Variants in SLC26A8 observed in about 807,000 individuals in gnomAD.
The protein encoded by SLC26A8 is solute carrier family 26 member 8.
In SLC26A8, 70 loss-of-function variants were observed where a neutral mutation model predicts 105.0. The observed-to-expected ratio is 0.67, with a 90% CI of 0.55 to 0.81. The LOEUF (loss-of-function observed/expected upper bound fraction) is 0.81, where lower values mean the gene tolerates loss of function less well. SLC26A8 is among the 40% of genes least tolerant of loss of function. The pLI is 0.00. For synonymous variants in SLC26A8, 415 were observed against 438.3 expected, an observed-to-expected ratio of 0.95 and a Z score of 0.66; for missense variants, 998 against 1,181.8, an observed-to-expected ratio of 0.84 and a Z score of 2.28.
At chr6:35,949,832 G>A (rs541738650) in intron 19 of SLC26A8, among the ~76,000 whole-genome samples, 2 of 150,864 alleles carry the variant, frequency 1.3e-5, no homozygotes, top group Admixed American at 1.3e-4. Context: ...TTTTTTTAGA[G>A]TCTCACTCCG....
chr6:36,023,150 C>T lies in SLC26A8; in HGVS notation c.-3+1354G>A, dbSNP rs117350810. Reference sequence around the variant, plus strand: ...ACTTTTGGCCTAGCTCTTTCACCCTCCATAGTACCCTTATCCATCCATCCA... The same window carrying T: ...ACTTTTGGCCTAGCTCTTTCACCCTTCATAGTACCCTTATCCATCCATCCA... On this transcript the variant is annotated intron_variant, in intron 1 of 19. Coordinates refer to ENST00000490799, the MANE Select transcript of SLC26A8 (RefSeq NM_052961.4). Among the ~76,000 whole-genome samples, 224 of 147,148 alleles carry T rather than the reference C, an allele frequency of 1.5e-3. 6 individuals carry two copies. In the East Asian group the frequency reaches 0.04, roughly 26 times the overall value.
intron 5 of SLC26A8, 44 bp from the exon 6 acceptor site, chr6:35,992,718 C>A (rs1313324184): frequency 1.9e-6 from 3 of 1,539,708 alleles, no homozygotes; most frequent in Non-Finnish European, 1.7e-6. Flanking sequence ...TGTCTTCAAT[C>A]CAGCAATGGC....
chr6:36,021,959 G>A (rs1173027710), intron 1 of SLC26A8, among the ~76,000 whole-genome samples: 3 of 150,854 alleles, frequency 2.0e-5, no homozygotes, highest in African/African-American at 2.4e-5. Context: ...GTGAGCCACC[G>A]CGCCCGGCCT....
intron 3 of SLC26A8, among the ~76,000 whole-genome samples, chr6:36,001,375 G>T (rs1199865171): frequency 6.6e-6 from 1 of 152,088 alleles, no homozygotes; most frequent in Non-Finnish European, 1.5e-5. Flanking sequence ...TGATCCACCC[G>T]CCTCGGCCTC....
intron 4 of SLC26A8, among the ~76,000 whole-genome samples, chr6:35,998,564 AAAAAG>A (rs1027381714): frequency 4.6e-5 from 7 of 151,970 alleles, no homozygotes; most frequent in Non-Finnish European, 8.8e-5. Flanking sequence ...TCAAAAAAAA[AAAAAG>A]AAAAGAAAAG....
chr6:35,985,518 C>A (rs779600302), intron 7 of SLC26A8, among the ~76,000 whole-genome samples: 1 of 151,594 alleles, frequency 6.6e-6, no homozygotes, highest in Non-Finnish European at 1.5e-5. Flanking sequence ...CATGGTGAAA[C>A]CCCATCTCTA....
chr6:35,955,122 A>G (rs1562018921), intron 17 of SLC26A8, 30 bp downstream of exon 17: 3 of 1,613,586 alleles, frequency 1.9e-6, no homozygotes, highest in Non-Finnish European at 2.5e-6. Flanking sequence ...GGGGGATCAG[A>G]GCTCCTGCCA....
At chr6:35,966,275 A>G (rs751803045) in intron 11 of SLC26A8, among the ~76,000 whole-genome samples, 3 of 152,210 alleles carry the variant, frequency 2.0e-5, no homozygotes, top group Non-Finnish European at 4.4e-5. Context: ...CCACTATGCT[A>G]TCTTCTTTCC....
At chr6:36,001,044 TCAG>T (rs1232839548) in intron 3 of SLC26A8, among the ~76,000 whole-genome samples, 8 of 152,226 alleles carry the variant, frequency 5.3e-5, no homozygotes. Flanking sequence ...CATTATCCAC[TCAG>T]TGTTCAAATT....
chr6:35,968,724 G>C (rs1245977040), intron 11 of SLC26A8, among the ~76,000 whole-genome samples, 153 bp downstream of exon 11: 1 of 144,630 alleles, frequency 6.9e-6, no homozygotes, highest in African/African-American at 2.5e-5. Flanking sequence ...CTAGAGATAG[G>C]CTGGAGCAAC....
At chr6:35,947,030 T>C (rs1315122795) in intron 19 of SLC26A8, among the ~76,000 whole-genome samples, 2 of 151,774 alleles carry the variant, frequency 1.3e-5, no homozygotes, top group African/African-American at 4.8e-5. Flanking sequence ...TAGTCTTTTA[T>C]TTTTTAATTT....
In SLC26A8 at chr6:35,956,435, A is replaced by G. The variant is rs1479647568; in HGVS notation, c.1864-915T>C. Among the ~76,000 whole-genome samples, 99 of 151,916 alleles carry G rather than the reference A, an allele frequency of 6.5e-4. 3 individuals are homozygous for G. Among genetic ancestry groups the G allele is most frequent in the Non-Finnish European group, 5.9e-5 (4 of 67,932 alleles). ...AGAGCAAGACCTTATGTCCAAAAAA[A>G]AAAAAAAAAAAAAAATTACATGAGC... On this transcript the variant is annotated intron_variant, in intron 16 of 19. Transcript: ENST00000490799.
chr6:36,021,040 C>T (rs1246931290), intron 1 of SLC26A8, among the ~76,000 whole-genome samples: 5 of 152,156 alleles, frequency 3.3e-5, no homozygotes, highest in Non-Finnish European at 7.3e-5. Flanking sequence ...ACCAGTACTA[C>T]TATTTCTTTC....
intron 8 of SLC26A8, among the ~76,000 whole-genome samples, chr6:35,978,371 T>C (rs1035952942): frequency 2.3e-4 from 35 of 152,230 alleles, no homozygotes; most frequent in African/African-American, 8.4e-4. Context: ...GGTGTTTTTC[T>C]ATAGATCCAT....
chr6:36,004,817 TA>T (rs1225556298), intron 3 of SLC26A8, among the ~76,000 whole-genome samples: 1 of 147,000 alleles, frequency 6.8e-6, no homozygotes, highest in Non-Finnish European at 1.5e-5. Flanking sequence ...CACACCTAGT[TA>T]AATTTTTTTT....
In SLC26A8 at chr6:35,959,601, A is replaced by T. The variant is rs1313332229; in HGVS notation, c.1732-10T>A. 1 of 1,611,522 alleles carries T rather than the reference A, an allele frequency of 6.2e-7. No homozygotes were observed. The highest frequency in any genetic ancestry group is 1.3e-5 in the African/African-American group (1 of 74,740). ...CCTTTACCATATCAACCTGAAAGAC[A>T]TGAGAGGTCTCATCCAGAGGAAGAA... On this transcript the variant is annotated splice_polypyrimidine_tract_variant and intron_variant, in intron 15 of 19. Transcript: ENST00000490799.
chr6:35,964,930 G>T (rs575787422), intron 11 of SLC26A8, among the ~76,000 whole-genome samples: 38 of 149,112 alleles, frequency 2.5e-4, no homozygotes, highest in African/African-American at 8.5e-4. Flanking sequence ...TTGGGCCACC[G>T]CTCTCCAGTC....
At chr6:35,993,120 C>T (rs908597773) in intron 5 of SLC26A8, among the ~76,000 whole-genome samples, 3 of 145,756 alleles carry the variant, frequency 2.1e-5, no homozygotes, top group African/African-American at 7.6e-5. Flanking sequence ...GCTTCAACTT[C>T]CCAAATAGCT....
chr6:35,983,356 T>C (rs771096320), intron 7 of SLC26A8, among the ~76,000 whole-genome samples: 1 of 152,144 alleles, frequency 6.6e-6, no homozygotes, highest in Non-Finnish European at 1.5e-5. Flanking sequence ...ATATGAAACA[T>C]TGAAAAACAG....
Sources: gnomAD v4.1 joint callset for allele counts (sites outside exome capture counted in the v4.1 genomes callset) on GRCh38, gnomAD v4.1.1 for gene constraint, MANE v1.5 for transcripts, NCBI Gene and HGNC (gene_info 2026-07-23, HGNC 2026-07-21) for gene names.